MDH1B: variants seen among roughly 807,000 people sequenced by gnomAD.
MDH1B encodes the protein malate dehydrogenase 1B.
A neutral mutation model predicts 61.4 loss-of-function variants in MDH1B; 60 were observed. The observed-to-expected ratio is 0.98, with a 90% confidence interval of 0.79 to 1.21. The LOEUF is 1.21. Ranked by LOEUF, MDH1B falls within the 50% of genes most tolerant of loss-of-function variation. The pLI is 0.00. For synonymous variants in MDH1B, 236 were observed against 218.7 expected, an observed-to-expected ratio of 1.08 and a Z score of -0.70; for missense variants, 587 against 632.1, an observed-to-expected ratio of 0.93 and a Z score of 0.76.
intron 2 of MDH1B, among the ~76,000 whole-genome samples, chr2:206,760,051 G>A (rs1034639209): frequency 2.6e-5 from 4 of 152,136 alleles, no homozygotes; most frequent in African/African-American, 9.7e-5. Flanking sequence ...CCAGAATCCT[G>A]GAGGAGCTGT....
chr2:206,749,075 G>T lies in MDH1B; in HGVS notation c.1161C>A (p.Tyr387Ter). The change falls in exon 7 of 12, where the codon TAC becomes TAA. Residue 387 changes from tyrosine to a stop codon, truncating the protein, a stop_gained. Transcript: ENST00000374412. LOFTEE classifies it high-confidence loss of function. ...AAHSIATTLKYWYHGSPPGEI... is the reference protein window; with the variant it reads ...AAHSIATTLK ...CCCCAGGTGGTGAGCCATGGTACCAGTATTTCAGTGTAGTGGCTATACTGT... is the reference window on the plus strand; with the variant it reads ...CCCCAGGTGGTGAGCCATGGTACCATTATTTCAGTGTAGTGGCTATACTGT... The T allele has an allele frequency of 1.2e-6, 2 of 1,614,066 alleles. No homozygotes were observed. The highest frequency in any genetic ancestry group is 1.7e-6 in the Non-Finnish European group (2 of 1,179,942).
chr2:206,746,656 T>C (rs1688128764), intron 7 of MDH1B, among the ~76,000 whole-genome samples: 1 of 152,218 alleles, frequency 6.6e-6, no homozygotes, highest in Non-Finnish European at 1.5e-5. Flanking sequence ...TTATCTGACA[T>C]CCAGAGGCTA....
chr2:206,739,537 C>A, intron 11 of MDH1B, 56 bp downstream of exon 11: 1 of 1,474,258 alleles, frequency 6.8e-7, no homozygotes, highest in Non-Finnish European at 9.5e-7. Context: ...TCCTCTATTA[C>A]CCAGTTCCAC....
intron 1 of MDH1B, among the ~76,000 whole-genome samples, chr2:206,764,335 A>G (rs1384293214): frequency 6.6e-6 from 1 of 151,992 alleles, no homozygotes; most frequent in Non-Finnish European, 1.5e-5. Context: ...GGTAGATGTC[A>G]ATTGTGTTCA....
At chr2:206,738,845 AT>A (rs1477474753) in intron 11 of MDH1B, among the ~76,000 whole-genome samples, 1 of 152,070 alleles carries the variant, frequency 6.6e-6, no homozygotes, top group Non-Finnish European at 1.5e-5. Context: ...ACCAATTCTA[AT>A]TCCCCCTGAT....
intron 7 of MDH1B, 36 bp from the exon 8 acceptor site, chr2:206,746,462 A>T: frequency 1.3e-6 from 2 of 1,580,790 alleles, no homozygotes. Context: ...GCAATGCAGC[A>T]GAACTTAGAA....
At chr2:206,750,604 G>T (rs554532713) in intron 6 of MDH1B, among the ~76,000 whole-genome samples, 1 of 151,786 alleles carries the variant, frequency 6.6e-6, no homozygotes, top group Admixed American at 6.6e-5. Context: ...TCTTGAAAAC[G>T]TTTCAATTAA....
rs373830471 is a variant in MDH1B at position 206,763,848 on chromosome 2, T to G, written c.22+1402A>C. Reference sequence around the variant, plus strand: ...AGGTAATTCATTATCATCTTTCAGGTATCTGCTTAAAATCTCTCCCTCTGG... The same window carrying G: ...AGGTAATTCATTATCATCTTTCAGGGATCTGCTTAAAATCTCTCCCTCTGG... On this transcript the variant is annotated intron_variant, in intron 1 of 11. Coordinates refer to ENST00000374412, the MANE Select transcript of MDH1B (RefSeq NM_001039845.3). Among the ~76,000 whole-genome samples the G allele has an allele frequency of 2.0e-5, 3 of 152,112 alleles. No homozygotes were observed. In the East Asian group the frequency reaches 5.8e-4, roughly 30 times the overall value.
At chr2:206,760,709 C>T (rs928029294) in intron 2 of MDH1B, among the ~76,000 whole-genome samples, 192 bp downstream of exon 2, 1 of 152,148 alleles carries the variant, frequency 6.6e-6, no homozygotes, top group Non-Finnish European at 1.5e-5. Context: ...ATTTGTTCTA[C>T]TAGGTATTAG....
intron 8 of MDH1B, 25 bp from the exon 9 acceptor site, chr2:206,745,698 A>G: frequency 1.3e-6 from 2 of 1,509,964 alleles, no homozygotes; most frequent in Non-Finnish European, 1.8e-6. Flanking sequence ...TAATCACAGA[A>G]TTAAATGACC....
In MDH1B at chr2:206,750,981, C is replaced by T. The variant is rs772969114; in HGVS notation, c.1005G>A (p.Trp335Ter). ...CAGGGCGTGAATAATGAAGAGGTCCCCAAATGGCACTCTCATATCTGTACA... is the reference window on the plus strand; with the variant it reads ...CAGGGCGTGAATAATGAAGAGGTCCTCAAATGGCACTCTCATATCTGTACA... ...TRVYRYESAI[W>*]GPLHYSRPVL... The change falls in exon 6 of 12, where the codon TGG becomes TGA. Residue 335 changes from tryptophan to a stop codon, truncating the protein, a stop_gained. Transcript: ENST00000374412. LOFTEE classifies it high-confidence loss of function. 1 of 1,611,378 alleles carries T rather than the reference C, an allele frequency of 6.2e-7. No individual in the cohort carries two copies. The highest frequency in any genetic ancestry group is 2.2e-5 in the East Asian group (1 of 44,798).
intron 9 of MDH1B, 162 bp from the exon 10 acceptor site, chr2:206,741,266 T>A (rs1418893136): frequency 2.2e-5 from 20 of 922,770 alleles, no homozygotes; most frequent in Middle Eastern, 2.2e-4. Flanking sequence ...TTTGTGTACA[T>A]ATTAATGAAA....
chr2:206,756,956 C>A lies in MDH1B; in HGVS notation c.355G>T (p.Glu119Ter). 1 of 1,614,146 alleles carries A rather than the reference C, an allele frequency of 6.2e-7. No individual in the cohort carries two copies. Among genetic ancestry groups the A allele is most frequent in the Non-Finnish European group, 8.5e-7 (1 of 1,180,018 alleles). Residue 119 changes from glutamate to a stop codon, truncating the protein, a stop_gained, in exon 4 of 12, where the codon GAG (glutamate) becomes TAG (stop). Coordinates refer to ENST00000374412, the MANE Select transcript of MDH1B (RefSeq NM_001039845.3). LOFTEE classifies it high-confidence loss of function. The stretch of plus-strand genomic sequence containing the variant: ...GTTTTCAGGGCTTCTTCCTCCTGCT[C>A]TTTTTCTATATGTGCCCCCAGGTTC... ...QENLGAHIEK[E>*]QEEEALKTCI...
chr2:206,757,195 A>G, intron 3 of MDH1B, 42 bp downstream of exon 3: 1 of 1,562,612 alleles, frequency 6.4e-7, no homozygotes, highest in Non-Finnish European at 8.7e-7. Context: ...AAATAATGTA[A>G]GAGAATTATC....
At chr2:206,762,562 T>G (rs1031199284) in intron 1 of MDH1B, among the ~76,000 whole-genome samples, 2 of 152,184 alleles carry the variant, frequency 1.3e-5, no homozygotes, top group Non-Finnish European at 2.9e-5. Context: ...TTACATTATG[T>G]TTCTCCTGTC....
rs760975466 is a variant in MDH1B, at chr2:206,755,095, A to G, written c.824T>C (p.Ile275Thr). 1.2e-6 allele frequency: 2 copies of G among 1,614,226 alleles called. No individual in the cohort carries two copies. The highest frequency in any genetic ancestry group is 2.2e-5 in the East Asian group (1 of 44,884). The change falls in exon 5 of 12, where the codon ATT becomes ACT. Residue 275 changes from isoleucine (I) to threonine (T), a missense_variant. Coordinates refer to ENST00000374412, the MANE Select transcript of MDH1B (RefSeq NM_001039845.3). ...TVLLMRYAPR[I>T]AHNIIAVALG... The stretch of plus-strand genomic sequence containing the variant: ...CGCCACAGCAATAATGTTGTGTGCA[A>G]TGCGTGGGGCATATCTCATGAGTAA...
At chr2:206,740,709 T>C (rs1687758933) in intron 10 of MDH1B, among the ~76,000 whole-genome samples, 1 of 152,204 alleles carries the variant, frequency 6.6e-6, no homozygotes, top group South Asian at 2.1e-4. Flanking sequence ...TCACCTGTGT[T>C]CTGAGGAAGA....
At chr2:206,751,271 C>A (rs1416811412) in intron 5 of MDH1B, among the ~76,000 whole-genome samples, 196 bp from the exon 6 acceptor site, 2 of 151,820 alleles carry the variant, frequency 1.3e-5, no homozygotes, top group Admixed American at 1.3e-4. Flanking sequence ...TTTGGCAGTC[C>A]CTAATAATGT....
At position 206,756,896 on chromosome 2, in the gene MDH1B, ACCTGGTGATCCAG is replaced by A; in HGVS notation, c.402_413+1del. On this transcript the variant is annotated splice_donor_variant and coding_sequence_variant, in exon 4 of 12. Coordinates refer to ENST00000374412, the MANE Select transcript of MDH1B (RefSeq NM_001039845.3). LOFTEE classifies it high-confidence loss of function. ...ATGAATCCTGGGATTTGACTGTCCCACCTGGTGATCCAGACCTGCAAGGGGTTGATGCAAGTTT... is the reference window on the plus strand; with the variant it reads ...ATGAATCCTGGGATTTGACTGTCCCAACCTGCAAGGGGTTGATGCAAGTTT... The A allele has an allele frequency of 6.2e-7, 1 of 1,614,072 alleles. No homozygotes were observed.
Sources: allele counts gnomAD v4.1 joint callset (sites outside exome capture counted in the v4.1 genomes callset), GRCh38; gene constraint gnomAD v4.1.1; transcripts MANE v1.5; gene names NCBI Gene and HGNC (gene_info 2026-07-23, HGNC 2026-07-21).